LGR4: variants seen among roughly 807,000 people sequenced by gnomAD.
LGR4 encodes leucine-rich repeat-containing G protein-coupled receptor 4.
LGR4 carries 44 observed loss-of-function variants against 84.8 expected under a neutral mutation model. That is an observed-to-expected ratio of 0.52 (90% CI 0.41 to 0.67). LGR4 has a LOEUF of 0.67. LGR4 is among the 30% of genes least tolerant of loss of function. The pLI is 0.00. For synonymous variants in LGR4, 429 were observed against 434.3 expected (o/e 0.99, Z 0.15); for missense variants, 1,032 against 1,131.4 (o/e 0.91, Z 1.26).
intron 2 of LGR4, among the ~76,000 whole-genome samples, chr11:27,398,151 T>C (rs893037924): frequency 6.6e-6 from 1 of 152,226 alleles, no homozygotes; most frequent in Admixed American, 6.5e-5. Flanking sequence ...TCTTAATGCA[T>C]ATATGACCTG....
chr11:27,385,419 C>T lies in LGR4; in HGVS notation c.451G>A (p.Gly151Arg), dbSNP rs1424977595. 1.9e-6 allele frequency: 3 copies of T among 1,611,540 alleles called. No individual in the cohort carries two copies. In the East Asian group the frequency reaches 6.7e-5, roughly 36 times the overall value. ...CACAGATGCCGTAACTGAACAAGTCCTTCAAAACTGTCCTCGGGGACTGAG... is the reference window on the plus strand; with the variant it reads ...CACAGATGCCGTAACTGAACAAGTCTTTCAAAACTGTCCTCGGGGACTGAG... Reference protein sequence around the residue: ...ITSVPEDSFEGLVQLRHLWLD... With the variant: ...ITSVPEDSFERLVQLRHLWLD... The change falls in exon 5 of 18, where the codon GGA becomes AGA. Residue 151 changes from glycine (G) to arginine (R), a missense_variant. Coordinates refer to ENST00000379214, the MANE Select transcript of LGR4 (RefSeq NM_018490.5).
intron 1 of LGR4, among the ~76,000 whole-genome samples, chr11:27,422,730 C>T (rs1863945426): frequency 6.6e-6 from 1 of 152,220 alleles, no homozygotes; most frequent in South Asian, 2.1e-4. Context: ...CCTAGTACCA[C>T]AAGCTTGGCC....
intron 2 of LGR4, among the ~76,000 whole-genome samples, chr11:27,393,214 A>C (rs946759525): frequency 6.6e-6 from 1 of 152,182 alleles, no homozygotes; most frequent in African/African-American, 2.4e-5. Context: ...TTCCCTGGGC[A>C]TAGAGAAATA....
chr11:27,468,168 T>A (rs1318155950), intron 1 of LGR4, among the ~76,000 whole-genome samples: 1 of 152,216 alleles, frequency 6.6e-6, no homozygotes, highest in East Asian at 1.9e-4. Context: ...AGGAGATTCT[T>A]TAAAAACACT....
In LGR4 at chr11:27,448,960, T is replaced by C. The variant is rs142604003; in HGVS notation, c.185+23158A>G. 1.8e-3 allele frequency among the ~76,000 whole-genome samples: 279 copies of C among 152,308 alleles called. 1 individual carries two copies. The highest frequency in any genetic ancestry group is 6.6e-3 in the African/African-American group (274 of 41,560). ...AAAACATAATAAACACATACTATAA[T>C]AAATTTTTACATCTTTTCTGATTTT... On this transcript the variant is annotated intron_variant, in intron 1 of 17. Coordinates refer to ENST00000379214, the MANE Select transcript of LGR4 (RefSeq NM_018490.5).
chr11:27,410,920 C>A (rs1364384344), intron 2 of LGR4, among the ~76,000 whole-genome samples: 4 of 152,038 alleles, frequency 2.6e-5, no homozygotes, highest in Non-Finnish European at 1.5e-5. Context: ...ATGAGGTTGG[C>A]ATATGGTTGG....
At chr11:27,392,587 A>G in intron 2 of LGR4, 69 bp from the exon 3 acceptor site, 1 of 1,311,502 alleles carries the variant, frequency 7.6e-7, no homozygotes, top group Non-Finnish European at 1.0e-6. Flanking sequence ...AGAACTTACA[A>G]AAACCTAATC....
At chr11:27,464,166 T>G (rs1307556808) in intron 1 of LGR4, among the ~76,000 whole-genome samples, 2 of 152,190 alleles carry the variant, frequency 1.3e-5, no homozygotes, top group African/African-American at 2.4e-5. Context: ...GGAGAATTAT[T>G]CTGCAAAAAT....
intron 1 of LGR4, among the ~76,000 whole-genome samples, chr11:27,447,860 T>TATGTACA (rs1468415652): frequency 6.6e-6 from 1 of 152,216 alleles, no homozygotes; most frequent in Non-Finnish European, 1.5e-5. Flanking sequence ...CTTTAAATTT[T>TATGTACA]TAAAAATATA....
chr11:27,396,637 A>G (rs1035554678), intron 2 of LGR4, among the ~76,000 whole-genome samples: 1 of 152,148 alleles, frequency 6.6e-6, no homozygotes, highest in Non-Finnish European at 1.5e-5. Flanking sequence ...TTCCCATTCC[A>G]TGCCTGGGTT....
At chr11:27,370,709 T>A (rs532740400) in intron 17 of LGR4, among the ~76,000 whole-genome samples, 2 of 152,176 alleles carry the variant, frequency 1.3e-5, no homozygotes, top group Non-Finnish European at 2.9e-5. Context: ...ACGCTGCATG[T>A]TGAAGTCCAG....
rs1263683570 is a variant in LGR4 at position 27,368,031 on chromosome 11, C to T, written c.2692G>A (p.Asp898Asn). 3.7e-6 allele frequency: 6 copies of T among 1,609,906 alleles called. No homozygotes were observed. Among genetic ancestry groups the T allele is most frequent in the South Asian group, 2.2e-5 (2 of 90,922 alleles). ...SCQRPEGYWS[D>N]CGTQSAHSDY... ...GAGTGGGCCGACTGTGTGCCACAGT[C>T]GGACCAGTAGCCCTCAGGTCTTTGG... The change falls in exon 18 of 18, where the codon GAC (aspartate) becomes AAC (asparagine). Residue 898 changes from aspartate (D) to asparagine (N), a missense_variant. By Grantham distance (23) the Asp-to-Asn change is conservative (BLOSUM62 1). Transcript: ENST00000379214.
intron 1 of LGR4, among the ~76,000 whole-genome samples, chr11:27,450,917 C>G (rs1487403505): frequency 6.6e-6 from 1 of 152,192 alleles, no homozygotes; most frequent in African/African-American, 2.4e-5. Flanking sequence ...TTCAATTTCT[C>G]CAACAAGTCT....
At chr11:27,432,408 C>T (rs547554625) in intron 1 of LGR4, among the ~76,000 whole-genome samples, 2 of 152,130 alleles carry the variant, frequency 1.3e-5, no homozygotes, top group South Asian at 4.1e-4. Flanking sequence ...ATAAGGAGTA[C>T]AGGAGACTGG....
At chr11:27,452,649 A>G (rs1590405368) in intron 1 of LGR4, among the ~76,000 whole-genome samples, 4 of 112,468 alleles carry the variant, frequency 3.6e-5, no homozygotes, top group African/African-American at 1.5e-4. Flanking sequence ...TTTTTTTGAG[A>G]CAGAGTCTCT....
intron 1 of LGR4, among the ~76,000 whole-genome samples, chr11:27,426,096 C>T (rs1173262645): frequency 6.6e-6 from 1 of 152,136 alleles, no homozygotes; most frequent in Non-Finnish European, 1.5e-5. Flanking sequence ...ACAGGCTTAA[C>T]AATTTTCCAA....
intron 1 of LGR4, among the ~76,000 whole-genome samples, chr11:27,425,467 A>G (rs531298435): frequency 6.6e-6 from 1 of 152,028 alleles, no homozygotes; most frequent in Admixed American, 6.6e-5. Flanking sequence ...AGTAGCTAGG[A>G]CTACAGGCAT....
intron 3 of LGR4, 140 bp downstream of exon 3, chr11:27,392,307 C>T (rs1289038164): frequency 3.4e-6 from 2 of 596,160 alleles, no homozygotes; most frequent in African/African-American, 1.9e-5. Context: ...ACTCTGGCCT[C>T]TCATACTACT....
At chr11:27,407,424 A>T (rs1350572232) in intron 2 of LGR4, among the ~76,000 whole-genome samples, 1 of 152,112 alleles carries the variant, frequency 6.6e-6, no homozygotes, top group African/African-American at 2.4e-5. Context: ...TTACTCTATG[A>T]GCACAGTTAG....
Sources: gnomAD v4.1 joint callset for allele counts (sites outside exome capture counted in the v4.1 genomes callset) on GRCh38, gnomAD v4.1.1 for gene constraint, MANE v1.5 for transcripts, NCBI Gene and HGNC (gene_info 2026-07-23, HGNC 2026-07-21) for gene names.